BOD1L1: variants seen among roughly 807,000 people sequenced by gnomAD.
BOD1L1 encodes biorientation of chromosomes in cell division protein 1-like 1.
BOD1L1 carries 86 observed loss-of-function variants against 240.7 expected under a neutral mutation model. The ratio of observed to expected loss-of-function variants is 0.36; its 90% CI spans 0.30 to 0.43. The LOEUF (loss-of-function observed/expected upper bound fraction) is 0.43. Ranked by LOEUF, BOD1L1 falls within the 20% of genes least tolerant of loss-of-function variation. BOD1L1 has a pLI of 1.00. For missense variants in BOD1L1, 3,554 were observed against 3,643.5 expected, an observed-to-expected ratio of 0.98 and a Z score of 0.63; for synonymous variants, 1,268 against 1,272.3, an observed-to-expected ratio of 1.00 and a Z score of 0.07.
intron 12 of BOD1L1, among the ~76,000 whole-genome samples, chr4:13,593,755 C>T (rs1231117425): frequency 1.3e-5 from 2 of 152,146 alleles, no homozygotes; most frequent in Non-Finnish European, 2.9e-5. Flanking sequence ...AGGTAGCAGA[C>T]TTGATGTTTG....
chr4:13,626,319 CA>C (rs71169520), intron 1 of BOD1L1: 2,151 of 47,040 alleles, frequency 0.046, 7 homozygotes, highest in Non-Finnish European at 0.06. Flanking sequence ...GACTCTGTCT[CA>C]AAAAAAAAAA....
intron 1 of BOD1L1, among the ~76,000 whole-genome samples, chr4:13,620,550 G>A (rs1248095772): frequency 6.6e-6 from 1 of 152,094 alleles, no homozygotes; most frequent in African/African-American, 2.4e-5. Context: ...CTATAGAAGA[G>A]AATACAAAAA....
Position 13,600,833 on chromosome 4 carries a change from G to A in BOD1L1, c.6067C>T (p.His2023Tyr), listed in dbSNP as rs968845714. 1.2e-6 allele frequency: 2 copies of A among 1,613,640 alleles called. No homozygotes were observed. The highest frequency in any genetic ancestry group is 1.7e-5 in the Admixed American group (1 of 59,974). Residue 2023 changes from histidine (H) to tyrosine (Y), a missense_variant, in exon 10 of 26, where the codon CAC (histidine) becomes TAC (tyrosine). Physicochemically the swap from His to Tyr is moderately conservative, Grantham distance 83. This residue lies in a region of BOD1L1 where 3,393 missense variants were observed against 3,427.1 expected (regional missense o/e 0.99). Coordinates refer to ENST00000040738, the MANE Select transcript of BOD1L1 (RefSeq NM_148894.3). Reference protein sequence around the residue: ...SGEVPECEVAHTSPSEKEDED... With the variant: ...SGEVPECEVAYTSPSEKEDED... ...TCTTCTTTTTCACTTGGTGATGTGT[G>A]AGCAACTTCACATTCTGGGACTTCA...
At chr4:13,621,386 C>G (rs992838357) in intron 1 of BOD1L1, among the ~76,000 whole-genome samples, 1 of 152,232 alleles carries the variant, frequency 6.6e-6, no homozygotes, top group Non-Finnish European at 1.5e-5. Flanking sequence ...ATTCTCATAT[C>G]TGCACCTACC....
rs761482534 is a variant in BOD1L1 at position 13,582,255 on chromosome 4, G to A, written c.8574C>T (p.Asp2858=). Residue 2858 remains aspartate, a synonymous_variant, in exon 19 of 26, where the codon GAC becomes GAT. Coordinates refer to ENST00000040738, the MANE Select transcript of BOD1L1 (RefSeq NM_148894.3). ...TGEKPEQNDD[D]TIKSQEEDQP... The stretch of plus-strand genomic sequence containing the variant: ...ATCTCACCTCCTGAGATTTTATGGT[G>A]TCATCATCGTTCTGCTCTGGCTTTT... 9.9e-6 allele frequency: 16 copies of A among 1,613,150 alleles called. No homozygotes were observed. Among genetic ancestry groups the A allele is most frequent in the East Asian group, 8.9e-5 (4 of 44,870 alleles).
rs765991762 is a variant in BOD1L1 at position 13,614,573 on chromosome 4, G to C, written c.797C>G (p.Ser266Cys). 5.6e-6 allele frequency: 9 copies of C among 1,613,868 alleles called. No homozygotes were observed. In the East Asian group the frequency reaches 2.0e-4, roughly 36 times the overall value. Residue 266 changes from serine to cysteine, a missense_variant, in exon 4 of 26, where the codon TCT becomes TGT. Ser to Cys is a moderately radical substitution (Grantham distance 112). Coordinates refer to ENST00000040738, the MANE Select transcript of BOD1L1 (RefSeq NM_148894.3). ...GGCTGTTTCCAGTCCTTCACCTCCA[G>C]AGTCAGCTGTAGATTTTTCTTTATC... The part of the protein sequence containing the change: ...MADKEKSTAD[S>C]GGEGLETAPK...
At chr4:13,596,867 G>A (rs1296642361) in intron 11 of BOD1L1, among the ~76,000 whole-genome samples, 1 of 152,178 alleles carries the variant, frequency 6.6e-6, no homozygotes, top group East Asian at 1.9e-4. Context: ...GGATGACGGA[G>A]AAACTGAGGG....
At chr4:13,621,039 C>G (rs1459350182) in intron 1 of BOD1L1, among the ~76,000 whole-genome samples, 1 of 152,152 alleles carries the variant, frequency 6.6e-6, no homozygotes, top group East Asian at 1.9e-4. Flanking sequence ...ATAGGACAAT[C>G]CCCCGACAGC....
Position 13,579,945 on chromosome 4 carries a change from A to T in BOD1L1, c.8732T>A (p.Leu2911Gln). 1 of 1,561,686 alleles carries T rather than the reference A, an allele frequency of 6.4e-7. No homozygotes were observed. The highest frequency in any genetic ancestry group is 1.2e-5 in the South Asian group (1 of 84,618). ...GTACATACCTGTTTGCATTACTTTC[A>T]GTTTGCTGCTAGATGGAGATTGTTC... Reference protein sequence around the residue: ...TVEQSPSSSKLKVMQTDESNK... With the variant: ...TVEQSPSSSKQKVMQTDESNK... The change falls in exon 22 of 26, where the codon CTG (leucine) becomes CAG (glutamine). Residue 2911 changes from leucine to glutamine, a missense_variant. Leu to Gln is a moderately radical substitution (Grantham distance 113). Transcript: ENST00000040738.
In BOD1L1 at chr4:13,601,721, C is replaced by T; in HGVS notation, c.5179G>A (p.Val1727Met). 1 of 1,614,044 alleles carries T rather than the reference C, an allele frequency of 6.2e-7. No individual in the cohort carries two copies. The highest frequency in any genetic ancestry group is 1.6e-4 in the Middle Eastern group (1 of 6,062). ...MGPKKETEGTVTCTGAEGRSD... is the reference protein window; with the variant it reads ...MGPKKETEGTMTCTGAEGRSD... Reference sequence around the variant, plus strand: ...CTGCCTTCTGCTCCTGTACATGTCACAGTGCCCTCTGTTTCTTTTTTGGGA... The same window carrying T: ...CTGCCTTCTGCTCCTGTACATGTCATAGTGCCCTCTGTTTCTTTTTTGGGA... Residue 1727 changes from valine (V) to methionine (M), a missense_variant, in exon 10 of 26, where the codon GTG (valine) becomes ATG (methionine). Val to Met is a conservative substitution (Grantham distance 21). Transcript: ENST00000040738.
chr4:13,624,027 T>A lies in BOD1L1; in HGVS notation c.243+3318A>T, dbSNP rs564014395. 1.8e-3 allele frequency: 251 copies of A among 143,182 alleles called. 1 individual carries two copies. The highest frequency in any genetic ancestry group is 6.6e-3 in the African/African-American group (234 of 35,578). The allele number at this position is 143,182 out of a possible 1,614,324, so 8.9% of individuals were successfully genotyped here. ...TTTTGGGAAGCAGGGGGGAATATAT[T>A]TTTTTTTTTTTCAAATAAGAAAATG... On this transcript the variant is annotated intron_variant, in intron 1 of 25. Transcript: ENST00000040738.
chr4:13,612,476 C>T lies in BOD1L1; in HGVS notation c.1324+1036G>A, dbSNP rs149415972. ...TACATGACTGGACAAGACATGGTCTCTCTGTGACTTTGTCTCCTTGCCTGT... is the reference window on the plus strand; with the variant it reads ...TACATGACTGGACAAGACATGGTCTTTCTGTGACTTTGTCTCCTTGCCTGT... On this transcript the variant is annotated intron_variant, in intron 5 of 25. Transcript: ENST00000040738. Among the ~76,000 whole-genome samples, 458 of 152,286 alleles carry T rather than the reference C, an allele frequency of 3.0e-3. 3 individuals carry two copies. Among genetic ancestry groups the T allele is most frequent in the Middle Eastern group, 0.027 (8 of 294 alleles).
intron 10 of BOD1L1, 87 bp downstream of exon 10, chr4:13,598,859 C>A: frequency 8.3e-6 from 11 of 1,332,910 alleles, no homozygotes; most frequent in East Asian, 2.4e-5. Context: ...GAACCAAAAC[C>A]ATCTTTTGGA....
At position 13,608,621 on chromosome 4, in the gene BOD1L1, G is replaced by C; in HGVS notation, c.1651C>G (p.Pro551Ala). 6.4e-7 allele frequency: 1 copy of C among 1,558,332 alleles called. No homozygotes were observed. The highest frequency in any genetic ancestry group is 8.7e-7 in the Non-Finnish European group (1 of 1,153,874). Residue 551 changes from proline (P) to alanine (A), a missense_variant, in exon 8 of 26, where the codon CCT becomes GCT. Around this residue, in one of 2 missense-constraint regions of BOD1L1, gnomAD observed 3,393 missense variants for 3,427.1 expected, o/e 0.99. Coordinates refer to ENST00000040738, the MANE Select transcript of BOD1L1 (RefSeq NM_148894.3). ...LEESSTKSLE[P>A]KAARIKEVLK... is the part of the protein sequence containing the mutation. ...ACTTCTTTAATTCTGGCGGCTTTAG[G>C]TTCCAAACTCTTTGTTGATGATTCT...
rs574300205 is a variant in BOD1L1 at position 13,613,809 on chromosome 4, A to G, written c.1175-148T>C. 1.5e-4 allele frequency: 75 copies of G among 496,134 alleles called. No individual in the cohort carries two copies. Among genetic ancestry groups the G allele is most frequent in the Admixed American group, 1.3e-3 (34 of 25,804 alleles). The allele number at this position is 496,134 out of a possible 1,614,324, so 30.7% of individuals were successfully genotyped here. A position where few individuals can be genotyped will look rare whatever the true frequency, so the allele number is the denominator to read the frequency against. The stretch of plus-strand genomic sequence containing the variant: ...GGCAGAGTGGTTTCCAGAAAATACA[A>G]AGGCAAAGTAGACTTCTGTAAAAAT... On this transcript the variant is annotated intron_variant, in intron 4 of 25. Transcript: ENST00000040738. The surrounding 1 kb of genome is among the most constrained non-coding windows in gnomAD (Gnocchi z 4.0).
intron 1 of BOD1L1, chr4:13,623,405 C>G (rs570220483): frequency 1.3e-5 from 2 of 152,276 alleles, no homozygotes; most frequent in African/African-American, 4.8e-5. Context: ...TGGCGAGCTC[C>G]CTGAAGGGCC....
chr4:13,610,353 C>T (rs1716060111), intron 6 of BOD1L1, among the ~76,000 whole-genome samples: 1 of 152,188 alleles, frequency 6.6e-6, no homozygotes, highest in African/African-American at 2.4e-5. Context: ...TGGATCTACA[C>T]TTGATTTAAA....
chr4:13,585,622 C>T (rs1354075208), intron 17 of BOD1L1, among the ~76,000 whole-genome samples: 1 of 151,966 alleles, frequency 6.6e-6, no homozygotes, highest in African/African-American at 2.4e-5. Context: ...CTTAGAGTAC[C>T]CAGATTTTAG....
chr4:13,611,820 T>C (rs907557608), intron 5 of BOD1L1, among the ~76,000 whole-genome samples: 2 of 152,202 alleles, frequency 1.3e-5, no homozygotes, highest in Non-Finnish European at 2.9e-5. Flanking sequence ...TGACCACCTC[T>C]GAATTTCTCA....
Sources: gnomAD v4.1 joint callset for allele counts (sites outside exome capture counted in the v4.1 genomes callset) on GRCh38, gnomAD v4.1.1 for gene constraint, gnomAD v4.1.1 regional missense constraint, Gnocchi (gnomAD v3.1) non-coding constraint, MANE v1.5 for transcripts, NCBI Gene and HGNC (gene_info 2026-07-23, HGNC 2026-07-21) for gene names.